The following OMA1 variants were observed in gnomAD, a reference collection of about 807,000 sequenced individuals.
OMA1 encodes OMA1 zinc metallopeptidase, also known as metalloendopeptidase OMA1, mitochondrial.
OMA1 carries 38 observed loss-of-function variants against 30.9 expected under a neutral mutation model. That is an observed-to-expected ratio of 1.23 (90% CI 0.95 to 1.61). The LOEUF is 1.61. OMA1 is among the 40% of genes most tolerant of loss of function. The probability of loss-of-function intolerance (pLI) is 0.00; values close to 1 mark genes in which losing one functional copy is unlikely to be tolerated. For synonymous variants in OMA1, 173 were observed against 121.9 expected (o/e 1.42, Z -2.76); for missense variants, 461 against 349.2 (o/e 1.32, Z -2.55).
chr1:58,527,204 C>T (rs1646365564), intron 7 of OMA1, 57 bp downstream of exon 7: 14 of 839,452 alleles, frequency 1.7e-5, no homozygotes, highest in South Asian at 4.0e-5. Context: ...AAATAACACA[C>T]GTTTATCTTT....
At position 58,481,114 on chromosome 1, in the gene OMA1, G is replaced by A. The variant is rs1297331035; in HGVS notation, c.1426C>T (p.Leu476=). 4 of 871,780 alleles carry A rather than the reference G, an allele frequency of 4.6e-6. No individual in the cohort carries two copies. Among genetic ancestry groups the A allele is most frequent in the Non-Finnish European group, 8.0e-6 (4 of 501,110 alleles). The allele number at this position is 871,780 out of a possible 1,614,324, so 54.0% of individuals were successfully genotyped here. ...PPLSNPDPRL[L]FKLSTKHFLE... is the part of the protein sequence containing the mutation. Reference sequence around the variant, plus strand: ...AAATGCTTCGTGCTGAGTTTGAATAGTAATCGAGGGTCTGGATTAGACAGT... The same window carrying A: ...AAATGCTTCGTGCTGAGTTTGAATAATAATCGAGGGTCTGGATTAGACAGT... The change falls in exon 9 of 9, where the codon CTA becomes TTA. Residue 476 remains leucine (L), a synonymous_variant. Transcript: ENST00000371226.
intron 2 of OMA1, among the ~76,000 whole-genome samples, chr1:58,537,452 A>G (rs899532454): frequency 6.6e-6 from 1 of 152,220 alleles, no homozygotes; most frequent in African/African-American, 2.4e-5. Flanking sequence ...GTGAAAAAGG[A>G]GAGATAACAA....
At chr1:58,492,572 G>T (rs1645716866) in intron 8 of OMA1, among the ~76,000 whole-genome samples, 1 of 152,082 alleles carries the variant, frequency 6.6e-6, no homozygotes, top group Non-Finnish European at 1.5e-5. Context: ...AATAAAAAAT[G>T]ATAAAGGGGA....
intron 1 of OMA1, among the ~76,000 whole-genome samples, chr1:58,544,657 C>A (rs1646672986): frequency 6.6e-6 from 1 of 152,124 alleles, no homozygotes; most frequent in Non-Finnish European, 1.5e-5. Context: ...TGCAGTGGTG[C>A]CACCTCGGCT....
intron 1 of OMA1, among the ~76,000 whole-genome samples, chr1:58,543,191 T>C (rs1304877394): frequency 6.6e-6 from 1 of 152,192 alleles, no homozygotes. Flanking sequence ...TTCAATGAGT[T>C]TCTGTATTCT....
chr1:58,487,473 T>C (rs976033020), intron 8 of OMA1, among the ~76,000 whole-genome samples: 1 of 152,226 alleles, frequency 6.6e-6, no homozygotes, highest in Non-Finnish European at 1.5e-5. Flanking sequence ...TCATTTATGC[T>C]TGTAAAATGA....
At chr1:58,508,736 T>C (rs1430399429) in intron 7 of OMA1, among the ~76,000 whole-genome samples, 1 of 152,068 alleles carries the variant, frequency 6.6e-6, no homozygotes, top group Non-Finnish European at 1.5e-5. Context: ...AGTGATAATG[T>C]GACAGAAGTT....
chr1:58,492,715 G>A (rs1017401536), intron 8 of OMA1, among the ~76,000 whole-genome samples: 2 of 152,162 alleles, frequency 1.3e-5, no homozygotes, highest in Non-Finnish European at 2.9e-5. Flanking sequence ...GACTAAACCA[G>A]GAAGAAGTTG....
At chr1:58,532,678 C>T (rs1646453306) in intron 5 of OMA1, among the ~76,000 whole-genome samples, 4 of 152,080 alleles carry the variant, frequency 2.6e-5, no homozygotes, top group Admixed American at 6.5e-5. Flanking sequence ...CAGGTGTGAG[C>T]CACCATGCTC....
chr1:58,481,133 A>AGTGGTGGTG lies in OMA1; in HGVS notation c.1406_1407insCACCACCAC (p.Ser469_Asn470insThrThrThr). The AGTGGTGGTG allele has an allele frequency of 1.1e-6, 1 of 870,538 alleles. No homozygotes were observed. The highest frequency in any genetic ancestry group is 1.3e-5 in the South Asian group (1 of 76,126). The allele number at this position is 870,538 out of a possible 1,614,324, so 53.9% of individuals were successfully genotyped here. On this transcript the variant is annotated inframe_insertion, in exon 9 of 9. Transcript: ENST00000371226. ...TGAATAGTAATCGAGGGTCTGGATTAGACAGTGGTGGACAATTACACATCT... is the reference window on the plus strand; with the variant it reads ...TGAATAGTAATCGAGGGTCTGGATTAGTGGTGGTGGACAGTGGTGGACAATTACACATCT...
chr1:58,487,873 CA>C (rs1166693536), intron 8 of OMA1, among the ~76,000 whole-genome samples: 1 of 152,020 alleles, frequency 6.6e-6, no homozygotes, highest in East Asian at 1.9e-4. Flanking sequence ...AACATTCTCC[CA>C]AATATTTCAG....
At chr1:58,494,075 G>A (rs905641827) in intron 8 of OMA1, among the ~76,000 whole-genome samples, 1 of 152,082 alleles carries the variant, frequency 6.6e-6, no homozygotes, top group South Asian at 2.1e-4. Context: ...CAGAGATATA[G>A]ACCATTGGAA....
At chr1:58,492,859 C>T (rs1056955147) in intron 8 of OMA1, among the ~76,000 whole-genome samples, 2 of 152,176 alleles carry the variant, frequency 1.3e-5, no homozygotes, top group African/African-American at 4.8e-5. Context: ...TGGTACCATT[C>T]CTTCTGAAAC....
chr1:58,516,160 C>G (rs1226726177), intron 7 of OMA1, among the ~76,000 whole-genome samples: 2 of 152,092 alleles, frequency 1.3e-5, no homozygotes, highest in Non-Finnish European at 2.9e-5. Flanking sequence ...ATCAATAATT[C>G]CCCCCACTTC....
chr1:58,530,942 A>G (rs549242153), intron 5 of OMA1, among the ~76,000 whole-genome samples: 2 of 152,234 alleles, frequency 1.3e-5, no homozygotes, highest in Admixed American at 6.5e-5. Context: ...ACTAGTATCT[A>G]CTAAGCCACT....
At chr1:58,507,632 A>G (rs1646009595) in intron 7 of OMA1, among the ~76,000 whole-genome samples, 1 of 152,036 alleles carries the variant, frequency 6.6e-6, no homozygotes, top group Non-Finnish European at 1.5e-5. Context: ...TATAACAAAC[A>G]TAAATATTAT....
intron 7 of OMA1, 112 bp from the exon 8 acceptor site, chr1:58,506,321 T>C (rs1206850994): frequency 1.6e-6 from 1 of 620,064 alleles, no homozygotes; most frequent in Admixed American, 2.8e-5. Flanking sequence ...AGTTTTAGGG[T>C]ACATGTGCAC....
chr1:58,496,738 C>T (rs1249378895), intron 8 of OMA1, among the ~76,000 whole-genome samples: 2 of 152,104 alleles, frequency 1.3e-5, no homozygotes, highest in Admixed American at 1.3e-4. Context: ...TCTCTCTTAC[C>T]TACCTCTTAA....
chr1:58,501,492 G>A (rs533727522), intron 8 of OMA1, among the ~76,000 whole-genome samples: 2 of 152,244 alleles, frequency 1.3e-5, no homozygotes, highest in African/African-American at 2.4e-5. Flanking sequence ...TTACAGGGGC[G>A]ATAAGGCCCA....
Sources: allele counts gnomAD v4.1 joint callset (sites outside exome capture counted in the v4.1 genomes callset), GRCh38; gene constraint gnomAD v4.1.1; transcripts MANE v1.5; gene names NCBI Gene and HGNC (gene_info 2026-07-23, HGNC 2026-07-21).